AFAP1: variants seen among roughly 807,000 people sequenced by gnomAD.
AFAP1 encodes the protein actin filament associated protein 1.
In AFAP1, 75 loss-of-function variants were observed where a neutral mutation model predicts 93.9. The observed-to-expected ratio is 0.80, with a 90% confidence interval of 0.66 to 0.97. The LOEUF (loss-of-function observed/expected upper bound fraction) is 0.97, where lower values mean the gene tolerates loss of function less well. AFAP1 is among the 50% of genes least tolerant of loss of function. The probability of loss-of-function intolerance (pLI) is 0.00; values close to 1 mark genes in which losing one functional copy is unlikely to be tolerated. For synonymous variants in AFAP1, 517 were observed against 430.7 expected, an observed-to-expected ratio of 1.20 and a Z score of -2.48; for missense variants, 1,201 against 1,050.8, an observed-to-expected ratio of 1.14 and a Z score of -1.98.
intron 1 of AFAP1, among the ~76,000 whole-genome samples, chr4:7,923,268 G>C (rs770363092): frequency 6.6e-6 from 1 of 152,152 alleles, no homozygotes; most frequent in Non-Finnish European, 1.5e-5. Context: ...AACCATCTCT[G>C]TATCAGTCAG....
chr4:7,901,524 C>T (rs779293173), intron 1 of AFAP1, among the ~76,000 whole-genome samples: 2 of 152,346 alleles, frequency 1.3e-5, no homozygotes, highest in Non-Finnish European at 2.9e-5. Flanking sequence ...AGCCCCACTC[C>T]TGTCGCCACA....
chr4:7,766,726 G>C (rs1199821646), intron 17 of AFAP1, among the ~76,000 whole-genome samples: 1 of 152,176 alleles, frequency 6.6e-6, no homozygotes, highest in Non-Finnish European at 1.5e-5. Context: ...ACCTCCCAGA[G>C]CAGAGCCACA....
At chr4:7,803,483 G>A (rs539629850) in intron 9 of AFAP1, among the ~76,000 whole-genome samples, 3 of 152,142 alleles carry the variant, frequency 2.0e-5, no homozygotes, top group African/African-American at 7.2e-5. Flanking sequence ...GTCCCCAAGA[G>A]GGCAATTCCT....
In AFAP1 at chr4:7,838,911, C is replaced by T. The variant is rs914190648; in HGVS notation, c.547-208G>A. Among the ~76,000 whole-genome samples the T allele has an allele frequency of 2.0e-5, 3 of 152,178 alleles. No individual in the cohort carries two copies. The East Asian group carries it at 5.8e-4, about 29-fold the overall frequency. On this transcript the variant is annotated intron_variant, in intron 5 of 17. Transcript: ENST00000420658. ...CGCCTCCAAGTGTGAAAAAGTACAT[C>T]CATTCACTGATTCAGAAAAACTTAC...
At chr4:7,857,810 C>A (rs1715234447) in intron 3 of AFAP1, among the ~76,000 whole-genome samples, 1 of 152,174 alleles carries the variant, frequency 6.6e-6, no homozygotes, top group South Asian at 2.1e-4. Context: ...CGTTTGTGAA[C>A]TAGTACAGGT....
rs375045897 is a variant in AFAP1 at position 7,936,911 on chromosome 4, C to G, written c.-3+2745G>C. ...TGGTAATTTTAAACTAGGCTTCAAA[C>G]CATTACACAAAGCCAAGTACATCTA... On this transcript the variant is annotated intron_variant, in intron 1 of 17. Transcript: ENST00000420658. 9.2e-5 allele frequency among the ~76,000 whole-genome samples: 14 copies of G among 152,212 alleles called. No homozygotes were observed. In the East Asian group the frequency reaches 1.9e-3, roughly 21 times the overall value.
chr4:7,780,719 G>T (rs73797313), intron 13 of AFAP1, among the ~76,000 whole-genome samples: 1 of 151,842 alleles, frequency 6.6e-6, no homozygotes. Flanking sequence ...GATACAGGGT[G>T]TGCAATGGAC....
intron 1 of AFAP1, among the ~76,000 whole-genome samples, chr4:7,874,400 G>A (rs1577325732): frequency 4.3e-5 from 4 of 93,842 alleles, no homozygotes; most frequent in African/African-American, 1.8e-4. Flanking sequence ...GTCTTCCTTT[G>A]TCACCCAGGC....
intron 2 of AFAP1, among the ~76,000 whole-genome samples, chr4:7,870,656 C>T (rs1030687659): frequency 1.3e-5 from 2 of 150,904 alleles, no homozygotes; most frequent in Non-Finnish European, 3.0e-5. Flanking sequence ...GACCCTGTCT[C>T]AAAGAAAAAA....
chr4:7,860,312 T>C (rs1577307051), intron 3 of AFAP1, among the ~76,000 whole-genome samples: 1 of 152,120 alleles, frequency 6.6e-6, no homozygotes, highest in Non-Finnish European at 1.5e-5. Flanking sequence ...ATTTGGAATA[T>C]GTGCATTATG....
At chr4:7,891,353 G>T (rs1017703689) in intron 1 of AFAP1, among the ~76,000 whole-genome samples, 2 of 152,002 alleles carry the variant, frequency 1.3e-5, no homozygotes, top group Non-Finnish European at 2.9e-5. Context: ...GATTCTGTGG[G>T]CTGAAGAAGC....
chr4:7,897,233 T>C (rs1015052247), intron 1 of AFAP1, among the ~76,000 whole-genome samples: 5 of 152,162 alleles, frequency 3.3e-5, no homozygotes, highest in Non-Finnish European at 4.4e-5. Context: ...AAGGAAGCTG[T>C]TGATGATGAA....
At chr4:7,801,032 C>A (rs1258576658) in intron 9 of AFAP1, among the ~76,000 whole-genome samples, 1 of 152,192 alleles carries the variant, frequency 6.6e-6, no homozygotes, top group African/African-American at 2.4e-5. Flanking sequence ...AAACTGGAAA[C>A]CGATTTCACT....
At chr4:7,918,394 G>C (rs1225602110) in intron 1 of AFAP1, among the ~76,000 whole-genome samples, 1 of 149,426 alleles carries the variant, frequency 6.7e-6, no homozygotes. Context: ...TGCCGGATGA[G>C]ACACTCGGCC....
Position 7,768,973 on chromosome 4 carries a change from C to T in AFAP1, c.2289G>A (p.Ser763=), listed in dbSNP as rs147608397. The change falls in exon 17 of 18, where the codon TCG becomes TCA. Residue 763 remains serine, a synonymous_variant. Coordinates refer to ENST00000420658, the MANE Select transcript of AFAP1 (RefSeq NM_001134647.2). ...CACTGGTGTCACAGCTGGAGATGGG[C>T]GAGTTTTCCAGGGTCCGGTGCCGGA... The part of the protein sequence containing the change: ...PVFRHRTLEN[S]PISSCDTSDT... The T allele has an allele frequency of 3.8e-4, 618 of 1,613,528 alleles. 3 individuals carry two copies. The highest frequency in any genetic ancestry group is 8.7e-4 in the East Asian group (39 of 44,856).
intron 1 of AFAP1, among the ~76,000 whole-genome samples, chr4:7,895,917 G>T (rs768410929): frequency 4.1e-5 from 6 of 146,724 alleles, no homozygotes; most frequent in Non-Finnish European, 5.9e-5. Context: ...GGAGTGCAGT[G>T]GCGCGATCTT....
chr4:7,773,139 CGTT>C (rs2148963117), intron 15 of AFAP1, 129 bp from the exon 16 acceptor site: 3 of 1,378,140 alleles, frequency 2.2e-6, no homozygotes, highest in East Asian at 5.0e-5. Flanking sequence ...CTTAGGTCCT[CGTT>C]GTGAAACTTA....
chr4:7,904,474 AAAT>A (rs1397786816), intron 1 of AFAP1, among the ~76,000 whole-genome samples: 1 of 152,152 alleles, frequency 6.6e-6, no homozygotes, highest in Non-Finnish European at 1.5e-5. Flanking sequence ...TAAAATGTTG[AAAT>A]AATAACATTT....
At chr4:7,862,553 G>T (rs975470985) in intron 3 of AFAP1, among the ~76,000 whole-genome samples, 3 of 152,106 alleles carry the variant, frequency 2.0e-5, no homozygotes, top group Non-Finnish European at 4.4e-5. Flanking sequence ...CATTTTAAGT[G>T]TATTGAACCG....
Sources: allele counts gnomAD v4.1 joint callset (sites outside exome capture counted in the v4.1 genomes callset), GRCh38; gene constraint gnomAD v4.1.1; transcripts MANE v1.5; gene names NCBI Gene and HGNC (gene_info 2026-07-23, HGNC 2026-07-21).